Variants in TMEM80 observed in about 807,000 individuals in gnomAD.
TMEM80 encodes the protein transmembrane protein 80.
TMEM80 carries 16 observed loss-of-function variants against 13.6 expected under a neutral mutation model. The ratio of observed to expected loss-of-function variants is 1.17; its 90% CI spans 0.79 to 1.78. The LOEUF is 1.78. TMEM80 is among the 40% of genes most tolerant of loss of function. TMEM80 has a pLI of 0.00. For missense variants in TMEM80, 167 were observed against 184.6 expected (o/e 0.90, Z 0.55); for synonymous variants, 92 against 89.5 (o/e 1.03, Z -0.16).
Position 700,223 on chromosome 11 carries a change from A to G in TMEM80, c.121A>G (p.Ile41Val). 1 of 1,613,718 alleles carries G rather than the reference A, an allele frequency of 6.2e-7. No homozygotes were observed. The highest frequency in any genetic ancestry group is 8.5e-7 in the Non-Finnish European group (1 of 1,179,878). Reference sequence around the variant, plus strand: ...GTATTTCCTCGCCACGCTCCTGATGATCACGTATAAAAGTAAGTCAGGGAC... The same window carrying G: ...GTATTTCCTCGCCACGCTCCTGATGGTCACGTATAAAAGTAAGTCAGGGAC... ...ALYFLATLLM[I>V]TYKSQVFSYP... is the part of the protein sequence containing the mutation. The change falls in exon 3 of 5, where the codon ATC (isoleucine) becomes GTC (valine). Residue 41 changes from isoleucine to valine, a missense_variant. By Grantham distance (29) the Ile-to-Val change is conservative. Coordinates refer to ENST00000397510, the MANE Select transcript of TMEM80 (RefSeq NM_001042463.3).
chr11:704,751 AGG>A, downstream of TMEM80: 1 of 930,468 alleles, frequency 1.1e-6, no homozygotes, highest in Non-Finnish European at 1.5e-6. Context: ...GGGGCCCGAG[AGG>A]CCAGCCTGGA....
At position 699,081 on chromosome 11, in the gene TMEM80, A is replaced by C. The variant is rs925526061; in HGVS notation, c.39+193A>C. ...ATCAGTTCTGCTGGCTCCATCCCCT[A>C]CCTGCTCAGCCCTGCACAAAGTGGC... On this transcript the variant is annotated intron_variant, in intron 2 of 4. Transcript: ENST00000397510. 1.3e-3 allele frequency: 910 copies of C among 677,604 alleles called. 5 individuals are homozygous for C. Among genetic ancestry groups the C allele is most frequent in the South Asian group, 3.5e-3 (203 of 57,388 alleles). 42.0% of individuals were successfully genotyped at this position (677,604 alleles called of 1,614,324 possible).
chr11:700,524 C>G, intron 3 of TMEM80, 91 bp from the exon 4 acceptor site: 1 of 942,042 alleles, frequency 1.1e-6, no homozygotes, highest in Non-Finnish European at 1.6e-6. Context: ...AAGACCCTGT[C>G]TCAAAAAAAA....
chr11:696,531 C>T (rs1242156460), intron 1 of TMEM80, among the ~76,000 whole-genome samples: 2 of 152,124 alleles, frequency 1.3e-5, no homozygotes, highest in Non-Finnish European at 2.9e-5. Context: ...GTAAGCCTGA[C>T]AGTTTGGGAA....
At chr11:699,200 C>T (rs1020180473) in intron 2 of TMEM80, 3 of 454,642 alleles carry the variant, frequency 6.6e-6, no homozygotes, top group East Asian at 6.9e-5. Context: ...CACTTTGTCC[C>T]TAGATTCATT....
At position 703,178 on chromosome 11, in the gene TMEM80, G is replaced by T. The variant is rs1242778506; in HGVS notation, c.*28G>T. On this transcript the variant is annotated 3_prime_UTR_variant, in exon 5 of 5. Transcript: ENST00000397510. Reference sequence around the variant, plus strand: ...ACGGACACCCGGGATACCCCACACTGGGGCCCTCCTCCTGGGCCTGACCAG... The same window carrying T: ...ACGGACACCCGGGATACCCCACACTTGGGCCCTCCTCCTGGGCCTGACCAG... The T allele has an allele frequency of 6.3e-7, 1 of 1,580,308 alleles. No homozygotes were observed. The highest frequency in any genetic ancestry group is 8.6e-7 in the Non-Finnish European group (1 of 1,158,122).
intron 1 of TMEM80, among the ~76,000 whole-genome samples, chr11:696,848 A>C (rs1861201422): frequency 1.1e-5 from 1 of 92,206 alleles, no homozygotes; most frequent in South Asian, 3.8e-4. Flanking sequence ...GGGAGGCCAA[A>C]GCGGGCGGAT....
chr11:698,946 A>T, intron 2 of TMEM80, 58 bp downstream of exon 2: 2 of 1,608,366 alleles, frequency 1.2e-6, no homozygotes, highest in Admixed American at 3.3e-5. Context: ...GCTGCTGCAC[A>T]GAGAGCACTC....
chr11:696,620 C>G (rs1861177584), intron 1 of TMEM80, among the ~76,000 whole-genome samples: 1 of 151,690 alleles, frequency 6.6e-6, no homozygotes, highest in Non-Finnish European at 1.5e-5. Flanking sequence ...CTGTAAACAT[C>G]AGCCAGGCGG....
In TMEM80 at chr11:703,798, A is replaced by C. The variant is rs756111646; in HGVS notation, c.*648A>C. ...CCATCTTAGCCACACTTCTCCCTTC[A>C]GGGGCTTCGGAGGAGAGGTCAGGGC... On this transcript the variant is annotated 3_prime_UTR_variant, in exon 5 of 5. Coordinates refer to ENST00000397510, the MANE Select transcript of TMEM80 (RefSeq NM_001042463.3). The C allele has an allele frequency of 2.4e-5, 30 of 1,233,044 alleles. No homozygotes were observed. Among genetic ancestry groups the C allele is most frequent in the Non-Finnish European group, 3.0e-5 (30 of 989,096 alleles). The allele number at this position is 1,233,044 out of a possible 1,614,324, so 76.4% of individuals were successfully genotyped here.
intron 4 of TMEM80, 41 bp downstream of exon 4, chr11:700,748 G>C: frequency 6.6e-7 from 1 of 1,526,000 alleles, no homozygotes; most frequent in Non-Finnish European, 9.1e-7. Flanking sequence ...TGTCCTAAGA[G>C]TTGCTATCTG....
chr11:700,541 G>T, intron 3 of TMEM80, 74 bp from the exon 4 acceptor site: 2 of 1,074,220 alleles, frequency 1.9e-6, no homozygotes, highest in Non-Finnish European at 2.8e-6. Context: ...AAAAAAAAAA[G>T]GAAAAGGCAA....
chr11:704,436 C>A (rs763130084), downstream of TMEM80: 1 of 1,288,664 alleles, frequency 7.8e-7, no homozygotes, highest in South Asian at 1.2e-5. Context: ...TGTCTGTGGC[C>A]CCCAGTGGCC....
intron 1 of TMEM80, among the ~76,000 whole-genome samples, chr11:696,422 C>T (rs1312664568): frequency 2.0e-5 from 3 of 152,174 alleles, no homozygotes; most frequent in Non-Finnish European, 4.4e-5. Context: ...TAAAGAATGG[C>T]TACTCCATAG....
downstream of TMEM80, chr11:704,551 G>A (rs1381912147): frequency 7.8e-7 from 1 of 1,289,348 alleles, no homozygotes; most frequent in East Asian, 5.6e-5. Flanking sequence ...AGACCAGCTG[G>A]GCACACCTGC....
At chr11:700,518 C>T (rs1861400791) in intron 3 of TMEM80, 97 bp from the exon 4 acceptor site, 1 of 978,222 alleles carries the variant, frequency 1.0e-6, no homozygotes, top group Non-Finnish European at 1.6e-6. Context: ...CAGAGCAAGA[C>T]CCTGTCTCAA....
Position 698,905 on chromosome 11 carries a change from C to T in TMEM80, c.39+17C>T. On this transcript the variant is annotated intron_variant, in intron 2 of 4. Transcript: ENST00000397510. Reference sequence around the variant, plus strand: ...TCCACAGTGGTATCCTGCTGCGTGCCCCTCCAGGACAGCACCCAGAGGCCC... The same window carrying T: ...TCCACAGTGGTATCCTGCTGCGTGCTCCTCCAGGACAGCACCCAGAGGCCC... 6.2e-7 allele frequency: 1 copy of T among 1,614,028 alleles called. No homozygotes were observed. The highest frequency in any genetic ancestry group is 8.5e-7 in the Non-Finnish European group (1 of 1,180,022).
chr11:699,907 C>T (rs747531889), intron 2 of TMEM80: 7 of 538,078 alleles, frequency 1.3e-5, no homozygotes, highest in South Asian at 1.3e-4. Context: ...GTGCACAGAC[C>T]GCATTGTTGT....
rs374297237 is a variant in TMEM80 at position 700,156 on chromosome 11, C to T, written c.54C>T (p.Pro18=). Residue 18 remains proline (P), a synonymous_variant, in exon 3 of 5, where the codon CCC becomes CCT. Transcript: ENST00000397510. ...CCACTCACCAGCTCTCTTCAGTTCCCCTTCAAATGCTGTTTTATCTCAGCG... is the reference window on the plus strand; with the variant it reads ...CCACTCACCAGCTCTCTTCAGTTCCTCTTCAAATGCTGTTTTATCTCAGCG... ...RGSSTVLSSV[P]LQMLFYLSGT... The T allele has an allele frequency of 2.4e-5, 39 of 1,614,014 alleles. No individual in the cohort carries two copies. The highest frequency in any genetic ancestry group is 5.0e-5 in the Admixed American group (3 of 60,006).
Sources: gnomAD v4.1 joint callset for allele counts (sites outside exome capture counted in the v4.1 genomes callset) on GRCh38, gnomAD v4.1.1 for gene constraint, MANE v1.5 for transcripts, NCBI Gene and HGNC (gene_info 2026-07-23, HGNC 2026-07-21) for gene names.